The following TRAF3IP1 variants were observed in gnomAD, a reference collection of about 807,000 sequenced individuals.
TRAF3IP1 encodes the protein TRAF3-interacting protein 1.
A neutral mutation model predicts 89.9 loss-of-function variants in TRAF3IP1; 53 were observed. The ratio of observed to expected loss-of-function variants is 0.59; its 90% confidence interval spans 0.47 to 0.74. TRAF3IP1 has a LOEUF of 0.74. Ranked by LOEUF, TRAF3IP1 falls within the 30% of genes least tolerant of loss-of-function variation. TRAF3IP1 has a pLI of 0.00. For missense variants in TRAF3IP1, 806 were observed against 866.1 expected (o/e 0.93, Z 0.87); for synonymous variants, 311 against 322.1 (o/e 0.97, Z 0.37).
intron 15 of TRAF3IP1, among the ~76,000 whole-genome samples, chr2:238,360,424 T>TA (rs1266463816): frequency 6.6e-6 from 1 of 151,832 alleles, no homozygotes; most frequent in Non-Finnish European, 1.5e-5. Flanking sequence ...GCCAGGATTT[T>TA]AAGACCAGCC....
At chr2:238,331,114 C>CTTA (rs1698099734) in intron 5 of TRAF3IP1, among the ~76,000 whole-genome samples, 1 of 152,026 alleles carries the variant, frequency 6.6e-6, no homozygotes, top group Non-Finnish European at 1.5e-5. Flanking sequence ...TTCCCTAAAA[C>CTTA]TGCTAATGAG....
At chr2:238,336,376 A>G (rs533952209) in intron 7 of TRAF3IP1, among the ~76,000 whole-genome samples, 1 of 152,272 alleles carries the variant, frequency 6.6e-6, no homozygotes, top group African/African-American at 2.4e-5. Flanking sequence ...TTCCCCAGCA[A>G]AGCTGGCACT....
At chr2:238,385,231 T>G (rs1700719454) in intron 15 of TRAF3IP1, among the ~76,000 whole-genome samples, 1 of 152,120 alleles carries the variant, frequency 6.6e-6, no homozygotes, top group Admixed American at 6.5e-5. Flanking sequence ...TTAGCCAGGA[T>G]GGTCTCGATC....
intron 15 of TRAF3IP1, among the ~76,000 whole-genome samples, chr2:238,396,280 C>CA (rs1701212396): frequency 6.8e-6 from 1 of 146,964 alleles, no homozygotes; most frequent in Non-Finnish European, 1.5e-5. Flanking sequence ...GTCGCAAGGA[C>CA]AAAAAACCAA....
At chr2:238,332,403 TA>T (rs1194178526) in intron 5 of TRAF3IP1, among the ~76,000 whole-genome samples, 1 of 152,206 alleles carries the variant, frequency 6.6e-6, no homozygotes, top group Non-Finnish European at 1.5e-5. Context: ...TTAATAAAGT[TA>T]GCCTGTGATC....
rs191979730 is a variant in TRAF3IP1, at chr2:238,331,977, A to G, written c.916-847A>G. On this transcript the variant is annotated intron_variant, in intron 5 of 16. Coordinates refer to ENST00000373327, the MANE Select transcript of TRAF3IP1 (RefSeq NM_015650.4). ...AAGAAGAGGTGAAATAGTAGATATG[A>G]AAACACTTGGAAAATTAAGAGTGCA... Among the ~76,000 whole-genome samples, 111 of 152,340 alleles carry G rather than the reference A, an allele frequency of 7.3e-4. No homozygotes were observed. The East Asian group carries it at 0.015, about 21-fold the overall frequency.
At position 238,379,303 on chromosome 2, in the gene TRAF3IP1, C is replaced by T. The variant is rs1700451315; in HGVS notation, c.1690-18156C>T. On this transcript the variant is annotated intron_variant, in intron 15 of 16. Coordinates refer to ENST00000373327, the MANE Select transcript of TRAF3IP1 (RefSeq NM_015650.4). The surrounding 1 kb of genome is among the most constrained non-coding windows in gnomAD (Gnocchi z 4.0). ...CAGCCGCACACTCACCATCTCTGACCCGGGCTCTGCTATCCTCACAGCATT... is the reference window on the plus strand; with the variant it reads ...CAGCCGCACACTCACCATCTCTGACTCGGGCTCTGCTATCCTCACAGCATT... Among the ~76,000 whole-genome samples, 1 of 152,214 alleles carries T rather than the reference C, an allele frequency of 6.6e-6. No individual in the cohort carries two copies. Among genetic ancestry groups the T allele is most frequent in the African/African-American group, 2.4e-5 (1 of 41,454 alleles).
At chr2:238,370,192 T>C (rs1700047772) in intron 15 of TRAF3IP1, among the ~76,000 whole-genome samples, 2 of 151,222 alleles carry the variant, frequency 1.3e-5, no homozygotes, top group Non-Finnish European at 2.9e-5. Flanking sequence ...TGCATGTCTG[T>C]ATGTATGTGT....
chr2:238,392,665 C>A (rs192760719), intron 15 of TRAF3IP1, among the ~76,000 whole-genome samples: 29 of 152,186 alleles, frequency 1.9e-4, no homozygotes, highest in Admixed American at 1.4e-3. Context: ...CTCGCCCCCC[C>A]ACCCGGGTTC....
At chr2:238,339,804 C>T (rs1428017346) in intron 8 of TRAF3IP1, among the ~76,000 whole-genome samples, 2 of 152,222 alleles carry the variant, frequency 1.3e-5, no homozygotes, top group Non-Finnish European at 2.9e-5. Flanking sequence ...CAGATCAGGG[C>T]GAGACAGCGC....
chr2:238,350,528 C>T (rs1349904445), intron 12 of TRAF3IP1, among the ~76,000 whole-genome samples: 1 of 152,122 alleles, frequency 6.6e-6, no homozygotes, highest in Non-Finnish European at 1.5e-5. Flanking sequence ...AGTGAAGAGA[C>T]TGGAGCAGAG....
At chr2:238,374,265 G>GT (rs1700225261) in intron 15 of TRAF3IP1, among the ~76,000 whole-genome samples, 1 of 152,122 alleles carries the variant, frequency 6.6e-6, no homozygotes, top group African/African-American at 2.4e-5. Flanking sequence ...TTGGCTGTGG[G>GT]TTTGTCATAA....
chr2:238,323,752 A>G (rs766308133), intron 1 of TRAF3IP1, among the ~76,000 whole-genome samples: 8 of 152,226 alleles, frequency 5.3e-5, no homozygotes, highest in Non-Finnish European at 8.8e-5. Context: ...CAGCTATTCA[A>G]AATGCTTGTT....
chr2:238,336,762 C>A (rs1275670018), intron 7 of TRAF3IP1, among the ~76,000 whole-genome samples: 2 of 152,030 alleles, frequency 1.3e-5, no homozygotes, highest in Non-Finnish European at 2.9e-5. Flanking sequence ...GAAGAAGGGA[C>A]CCTAAAACCA....
intron 15 of TRAF3IP1, among the ~76,000 whole-genome samples, chr2:238,386,986 A>G (rs1203699840): frequency 6.6e-6 from 1 of 152,210 alleles, no homozygotes; most frequent in African/African-American, 2.4e-5. Context: ...ATTATAGACA[A>G]TATAATTATT....
chr2:238,374,106 A>G (rs933549103), intron 15 of TRAF3IP1, among the ~76,000 whole-genome samples: 3 of 152,126 alleles, frequency 2.0e-5, no homozygotes, highest in Admixed American at 6.5e-5. Flanking sequence ...TCATTTCCTA[A>G]TTGAATACCC....
At chr2:238,375,230 G>T (rs551380304) in intron 15 of TRAF3IP1, among the ~76,000 whole-genome samples, 1 of 152,200 alleles carries the variant, frequency 6.6e-6, no homozygotes, top group Non-Finnish European at 1.5e-5. Context: ...TTAGGGTGTT[G>T]ATTTTAAATC....
intron 3 of TRAF3IP1, among the ~76,000 whole-genome samples, chr2:238,326,773 G>A (rs955554145): frequency 6.6e-6 from 1 of 152,132 alleles, no homozygotes; most frequent in Admixed American, 6.5e-5. Flanking sequence ...ATGGGAACAG[G>A]TAGGTTTCAG....
chr2:238,347,443 C>T lies in TRAF3IP1; in HGVS notation c.1262-12C>T, dbSNP rs1403352693. 1 of 1,613,732 alleles carries T rather than the reference C, an allele frequency of 6.2e-7. No individual in the cohort carries two copies. Among genetic ancestry groups the T allele is most frequent in the Non-Finnish European group, 8.5e-7 (1 of 1,179,942 alleles). On this transcript the variant is annotated splice_polypyrimidine_tract_variant and intron_variant, in intron 9 of 16. Coordinates refer to ENST00000373327, the MANE Select transcript of TRAF3IP1 (RefSeq NM_015650.4). ...ACACGAAAGCTAATTTTCTGATGTG[C>T]TTTTTCTTTAGGTGACTCCACCAGT...
Sources: allele counts gnomAD v4.1 joint callset (sites outside exome capture counted in the v4.1 genomes callset), GRCh38; gene constraint gnomAD v4.1.1; non-coding constraint Gnocchi (gnomAD v3.1); transcripts MANE v1.5; gene names NCBI Gene and HGNC (gene_info 2026-07-23, HGNC 2026-07-21).